RAD51B: variants seen among roughly 807,000 people sequenced by gnomAD.
RAD51B encodes RAD51 paralog B.
In RAD51B, 38 loss-of-function variants were observed where a neutral mutation model predicts 42.2. That is an observed-to-expected ratio of 0.90 (90% CI 0.70 to 1.18). The LOEUF (loss-of-function observed/expected upper bound fraction) is 1.18. Among genes scored for constraint, RAD51B ranks in the 50% most tolerant of loss-of-function variants. The probability of loss-of-function intolerance (pLI) is 0.00; values close to 1 mark genes in which losing one functional copy is unlikely to be tolerated. For missense variants in RAD51B, 373 were observed against 400.7 expected (o/e 0.93, Z 0.59); for synonymous variants, 154 against 145.2 (o/e 1.06, Z -0.43).
intron 8 of RAD51B, among the ~76,000 whole-genome samples, chr14:68,333,157 T>C (rs936203884): frequency 9.2e-5 from 14 of 152,204 alleles, no homozygotes; most frequent in East Asian, 3.9e-4. Context: ...CTTGACCCAG[T>C]TGGGGCCATC....
chr14:67,946,762 G>A (rs867213229), intron 7 of RAD51B, among the ~76,000 whole-genome samples: 1 of 152,040 alleles, frequency 6.6e-6, no homozygotes, highest in Non-Finnish European at 1.5e-5. Flanking sequence ...AAACACACAG[G>A]TTTAAGGAGA....
intron 7 of RAD51B, among the ~76,000 whole-genome samples, chr14:67,961,284 A>G (rs978008523): frequency 1.3e-5 from 2 of 152,198 alleles, no homozygotes; most frequent in Non-Finnish European, 2.9e-5. Flanking sequence ...GGGATTACAG[A>G]CACAAGCGAC....
chr14:68,286,522 T>C (rs996116724), intron 7 of RAD51B, among the ~76,000 whole-genome samples: 2 of 152,190 alleles, frequency 1.3e-5, no homozygotes, highest in Non-Finnish European at 2.9e-5. Flanking sequence ...GCTGTTTCTA[T>C]CAAAGGCTGT....
intron 7 of RAD51B, among the ~76,000 whole-genome samples, chr14:68,124,303 T>C (rs1411991318): frequency 1.3e-5 from 2 of 152,058 alleles, no homozygotes; most frequent in Admixed American, 6.5e-5. Flanking sequence ...CCAATTTTAC[T>C]GTAAGCCTTT....
chr14:68,291,161 T>C (rs1315303140), intron 7 of RAD51B, among the ~76,000 whole-genome samples: 1 of 151,710 alleles, frequency 6.6e-6, no homozygotes, highest in East Asian at 1.9e-4. Context: ...TAGGTTGTGG[T>C]TGCAATTTTA....
chr14:67,869,270 C>G (rs1302988749), intron 5 of RAD51B, among the ~76,000 whole-genome samples: 2 of 152,000 alleles, frequency 1.3e-5, no homozygotes, highest in Admixed American at 1.3e-4. Flanking sequence ...AACCAAGGCT[C>G]GAGAACTATG....
chr14:68,472,250 G>T (rs1252783344), intron 10 of RAD51B: 2 of 152,384 alleles, frequency 1.3e-5, no homozygotes, highest in African/African-American at 4.8e-5. Context: ...CATGTCCTTT[G>T]TTCCCTTAGC....
chr14:68,477,626 C>CTTTTT, intron 10 of RAD51B, 22 bp from the exon 11 acceptor site: 2 of 1,410,010 alleles, frequency 1.4e-6, no homozygotes, highest in South Asian at 1.3e-5. Flanking sequence ...CAAACTTTCT[C>CTTTTT]TTTTTTTTTT....
intron 7 of RAD51B, among the ~76,000 whole-genome samples, chr14:67,993,390 A>G (rs1408405153): frequency 1.3e-5 from 2 of 151,956 alleles, no homozygotes; most frequent in Non-Finnish European, 2.9e-5. Context: ...CTCTATTTCC[A>G]TGAGTTCAAT....
intron 8 of RAD51B, among the ~76,000 whole-genome samples, chr14:68,335,310 A>G (rs997933959): frequency 2.1e-5 from 3 of 143,602 alleles, no homozygotes; most frequent in Non-Finnish European, 1.5e-5. Flanking sequence ...AAAAAAAAAA[A>G]AAAGAAAAGA....
intron 5 of RAD51B, among the ~76,000 whole-genome samples, chr14:67,882,410 A>G (rs937785005): frequency 1.3e-5 from 2 of 152,036 alleles, no homozygotes; most frequent in African/African-American, 4.8e-5. Context: ...CAGTCCTAGG[A>G]CCTTTTCTCT....
chr14:68,313,135 A>C (rs1327932280), intron 8 of RAD51B, among the ~76,000 whole-genome samples: 2 of 152,230 alleles, frequency 1.3e-5, no homozygotes, highest in African/African-American at 2.4e-5. Context: ...GCAGCTGATC[A>C]CAATTGCAAC....
At chr14:68,077,759 CA>C (rs1217565927) in intron 7 of RAD51B, among the ~76,000 whole-genome samples, 3 of 152,150 alleles carry the variant, frequency 2.0e-5, no homozygotes, top group Admixed American at 6.5e-5. Flanking sequence ...AGTTTGAGAC[CA>C]ACCTGACCAA....
intron 7 of RAD51B, among the ~76,000 whole-genome samples, chr14:68,278,934 A>G (rs79399879): frequency 6.7e-6 from 1 of 148,454 alleles, no homozygotes; most frequent in African/African-American, 2.5e-5. Context: ...TGAAATGCAG[A>G]TTTTTTTTTT....
At chr14:68,032,171 A>G (rs2076056848) in intron 7 of RAD51B, among the ~76,000 whole-genome samples, 1 of 152,198 alleles carries the variant, frequency 6.6e-6, no homozygotes, top group South Asian at 2.1e-4. Flanking sequence ...ATCAAAAGTG[A>G]TATCTTTAAA....
rs550853335 is a variant in RAD51B, at chr14:68,313,176, T to A, written c.853+21196T>A. 3.3e-5 allele frequency among the ~76,000 whole-genome samples: 5 copies of A among 152,350 alleles called. No homozygotes were observed. In the Middle Eastern group the frequency reaches 0.014, roughly 415 times the overall value. ...ATACCTGGTGAATTATAATATTCTC[T>A]ATGGGAACTGCACTGCATGTCTGTG... On this transcript the variant is annotated intron_variant, in intron 8 of 10. Coordinates refer to ENST00000471583, the MANE Select transcript of RAD51B (RefSeq NM_133510.4).
chr14:68,475,105 C>T (rs1882448813), intron 10 of RAD51B, among the ~76,000 whole-genome samples: 1 of 152,154 alleles, frequency 6.6e-6, no homozygotes, highest in Admixed American at 6.5e-5. Context: ...GAAAGCATCC[C>T]CCATCCCTTA....
chr14:68,502,774 C>G (rs1276588370), intron 10 of RAD51B, among the ~76,000 whole-genome samples: 1 of 152,172 alleles, frequency 6.6e-6, no homozygotes, highest in Non-Finnish European at 1.5e-5. Flanking sequence ...TATTCAAGGG[C>G]TCCCTTGCAT....
chr14:68,591,914 C>G (rs1052501464), intron 10 of RAD51B, among the ~76,000 whole-genome samples: 9 of 152,128 alleles, frequency 5.9e-5, no homozygotes, highest in Admixed American at 1.3e-4. Context: ...CTGGATCCTG[C>G]TAGAGAAATG....
Sources: gnomAD v4.1 joint callset for allele counts (sites outside exome capture counted in the v4.1 genomes callset) on GRCh38, gnomAD v4.1.1 for gene constraint, MANE v1.5 for transcripts, NCBI Gene and HGNC (gene_info 2026-07-23, HGNC 2026-07-21) for gene names.